Variants in DENND1A observed in about 807,000 individuals in gnomAD.
DENND1A encodes the protein DENN domain containing 1A.
DENND1A carries 51 observed loss-of-function variants against 113.7 expected under a neutral mutation model. The observed-to-expected ratio is 0.45, with a 90% CI of 0.36 to 0.57. The LOEUF is 0.57. Among genes scored for constraint, DENND1A ranks in the 20% least tolerant of loss-of-function variants. The pLI is 0.00. For synonymous variants in DENND1A, 565 were observed against 570.8 expected, an observed-to-expected ratio of 0.99 and a Z score of 0.14; for missense variants, 1,258 against 1,395.9, an observed-to-expected ratio of 0.90 and a Z score of 1.57.
At chr9:123,709,322 T>G (rs917111616) in intron 5 of DENND1A, among the ~76,000 whole-genome samples, 1 of 152,192 alleles carries the variant, frequency 6.6e-6, no homozygotes, top group Non-Finnish European at 1.5e-5. Flanking sequence ...GGTATGTTCT[T>G]TGTTCTTGTG....
chr9:123,635,709 C>A (rs1188326531), intron 9 of DENND1A, among the ~76,000 whole-genome samples: 6 of 152,164 alleles, frequency 3.9e-5, no homozygotes, highest in Non-Finnish European at 7.4e-5. Context: ...TGTCTTTAAC[C>A]CACAGGAAAT....
At chr9:123,681,943 T>C (rs1589648882) in intron 5 of DENND1A, among the ~76,000 whole-genome samples, 1 of 148,636 alleles carries the variant, frequency 6.7e-6, no homozygotes, top group African/African-American at 2.5e-5. Context: ...ATAGCAGTGC[T>C]CAACACATGA....
chr9:123,528,221 T>C (rs1158508248), intron 13 of DENND1A, among the ~76,000 whole-genome samples: 2 of 152,210 alleles, frequency 1.3e-5, no homozygotes, highest in East Asian at 3.8e-4. Context: ...CCAAAGACAT[T>C]AAATTAGAGG....
At chr9:123,494,205 C>T (rs1588832709) in intron 13 of DENND1A, among the ~76,000 whole-genome samples, 1 of 152,186 alleles carries the variant, frequency 6.6e-6, no homozygotes, top group Non-Finnish European at 1.5e-5. Context: ...CTAGAGCTTC[C>T]TACTTGCTAA....
rs1456513296 is a variant in DENND1A, at chr9:123,582,942, A to C, written c.867+227T>G. On this transcript the variant is annotated intron_variant, in intron 12 of 23. Coordinates refer to ENST00000394215, the MANE Select transcript of DENND1A (RefSeq NM_001352964.2). ...TCGAACTCCTGACCTCAGGTGATCCACCCGCCTCGGCCTCCCAAAGTGCTG... is the reference window on the plus strand; with the variant it reads ...TCGAACTCCTGACCTCAGGTGATCCCCCCGCCTCGGCCTCCCAAAGTGCTG... 8.1e-5 allele frequency among the ~76,000 whole-genome samples: 10 copies of C among 123,490 alleles called. No homozygotes were observed. In the South Asian group the frequency reaches 2.7e-3, roughly 33 times the overall value. The allele number at this position is 123,490 out of a possible 152,430, so 81.0% of individuals were successfully genotyped here. A position where few individuals can be genotyped will look rare whatever the true frequency, so the allele number is the denominator to read the frequency against.
In DENND1A at chr9:123,617,791, C is replaced by G. The variant is rs192474496; in HGVS notation, c.720-8310G>C. Among the ~76,000 whole-genome samples the G allele has an allele frequency of 1.8e-3, 267 of 151,888 alleles. 2 individuals are homozygous for G. Among genetic ancestry groups the G allele is most frequent in the African/African-American group, 6.3e-3 (262 of 41,382 alleles). The stretch of plus-strand genomic sequence containing the variant: ...GAACCGTAATAGCTAAAGCCAGACA[C>G]GGAAAGGAAGTCTCAAGTTGTGAGC... On this transcript the variant is annotated intron_variant, in intron 10 of 23. Transcript: ENST00000394215.
At chr9:123,885,745 T>G (rs1848971770) in intron 1 of DENND1A, among the ~76,000 whole-genome samples, 1 of 152,234 alleles carries the variant, frequency 6.6e-6, no homozygotes. Context: ...CAGTTCTCAG[T>G]GCACCGGAAG....
intron 5 of DENND1A, among the ~76,000 whole-genome samples, chr9:123,680,579 G>A (rs1013605829): frequency 6.6e-6 from 1 of 152,154 alleles, no homozygotes; most frequent in African/African-American, 2.4e-5. Context: ...TAAATCTGTC[G>A]ACCGGGTGAG....
At chr9:123,794,785 A>G (rs768046648) in intron 2 of DENND1A, among the ~76,000 whole-genome samples, 1 of 152,198 alleles carries the variant, frequency 6.6e-6, no homozygotes. Flanking sequence ...TTTTTGATTA[A>G]TATATACAAC....
chr9:123,868,292 T>C (rs986750508), intron 2 of DENND1A, among the ~76,000 whole-genome samples: 2 of 152,250 alleles, frequency 1.3e-5, no homozygotes, highest in Admixed American at 6.5e-5. Flanking sequence ...TTTTAATGGA[T>C]AGACTCTGAG....
At chr9:123,668,741 G>A (rs1286288903) in intron 7 of DENND1A, among the ~76,000 whole-genome samples, 3 of 152,190 alleles carry the variant, frequency 2.0e-5, no homozygotes, top group Non-Finnish European at 2.9e-5. Context: ...AGCCTTCTTC[G>A]ATGCATTATT....
chr9:123,829,717 A>T (rs143103687), intron 2 of DENND1A, among the ~76,000 whole-genome samples: 2 of 152,308 alleles, frequency 1.3e-5, no homozygotes, highest in African/African-American at 4.8e-5. Context: ...AAATACAGGG[A>T]ACACATAATT....
Position 123,509,293 on chromosome 9 carries a change from C to A in DENND1A, c.993+48277G>T, listed in dbSNP as rs545434662. On this transcript the variant is annotated intron_variant, in intron 13 of 23. Transcript: ENST00000394215. Reference sequence around the variant, plus strand: ...AGAAGACGTTCTCACCAACAGAAAGCACGAGATGGGACACCTGGCTTTCCT... The same window carrying A: ...AGAAGACGTTCTCACCAACAGAAAGAACGAGATGGGACACCTGGCTTTCCT... Among the ~76,000 whole-genome samples the A allele has an allele frequency of 3.1e-4, 47 of 152,338 alleles. 1 individual carries two copies. The highest frequency in any genetic ancestry group is 1.0e-3 in the African/African-American group (42 of 41,576).
intron 19 of DENND1A, among the ~76,000 whole-genome samples, chr9:123,426,079 G>A (rs1407214522): frequency 6.6e-6 from 1 of 152,224 alleles, no homozygotes; most frequent in East Asian, 1.9e-4. Context: ...GGATGGCAGG[G>A]AGCTCCAGAC....
At chr9:123,535,441 T>A (rs543430430) in intron 13 of DENND1A, among the ~76,000 whole-genome samples, 125 of 152,016 alleles carry the variant, frequency 8.2e-4, no homozygotes, top group Non-Finnish European at 1.5e-3. Context: ...AGAAACCCTG[T>A]CTCTAAAAAA....
intron 13 of DENND1A, among the ~76,000 whole-genome samples, chr9:123,460,036 T>C (rs1352815308): frequency 6.6e-6 from 1 of 152,176 alleles, no homozygotes; most frequent in East Asian, 1.9e-4. Context: ...ATAAAAAGTA[T>C]TTGTTTGGGA....
chr9:123,725,932 G>T (rs1305576043), intron 5 of DENND1A, among the ~76,000 whole-genome samples: 1 of 152,122 alleles, frequency 6.6e-6, no homozygotes, highest in East Asian at 1.9e-4. Context: ...AGAAAAACAC[G>T]TTCAGCTTTT....
At chr9:123,406,578 C>G (rs1249086952) in intron 20 of DENND1A, among the ~76,000 whole-genome samples, 1 of 152,254 alleles carries the variant, frequency 6.6e-6, no homozygotes. Flanking sequence ...TGCTCGGAAT[C>G]TGAGAAGTGC....
intron 3 of DENND1A, among the ~76,000 whole-genome samples, chr9:123,785,544 T>C (rs1301702673): frequency 6.6e-6 from 1 of 152,146 alleles, no homozygotes; most frequent in African/African-American, 2.4e-5. Context: ...AACTAGCTAA[T>C]TGTCAACAAT....
Sources: gnomAD v4.1 joint callset for allele counts (sites outside exome capture counted in the v4.1 genomes callset) on GRCh38, gnomAD v4.1.1 for gene constraint, MANE v1.5 for transcripts, NCBI Gene and HGNC (gene_info 2026-07-23, HGNC 2026-07-21) for gene names.